DNAH14: variants seen among roughly 807,000 people sequenced by gnomAD.
DNAH14 encodes dynein axonemal heavy chain 14, also known as axonemal beta dynein heavy chain 14.
A neutral mutation model predicts 520.9 loss-of-function variants in DNAH14; 478 were observed. The observed-to-expected ratio is 0.92, with a 90% CI of 0.85 to 0.99. The LOEUF is 0.99. Ranked by LOEUF, DNAH14 falls within the 50% of genes least tolerant of loss-of-function variation. The pLI, the probability that DNAH14 is intolerant of heterozygous loss-of-function variation, is 0.00. For missense variants in DNAH14, 4,831 were observed against 5,234.5 expected (o/e 0.92, Z 2.38); for synonymous variants, 1,581 against 1,757.2 (o/e 0.90, Z 2.51).
intron 1 of DNAH14, among the ~76,000 whole-genome samples, chr1:224,947,483 T>C (rs1333932709): frequency 6.6e-6 from 1 of 152,190 alleles, no homozygotes; most frequent in African/African-American, 2.4e-5. Context: ...CTGTAAAGAA[T>C]TGATGTCTTT....
chr1:225,298,324 A>G (rs952364087), intron 55 of DNAH14, among the ~76,000 whole-genome samples: 2 of 152,132 alleles, frequency 1.3e-5, no homozygotes, highest in African/African-American at 4.8e-5. Context: ...GGGCATGGGC[A>G]TGTAGCACTC....
At chr1:225,231,851 CA>C (rs1351089908) in intron 42 of DNAH14, among the ~76,000 whole-genome samples, 1 of 151,934 alleles carries the variant, frequency 6.6e-6, no homozygotes, top group Admixed American at 6.6e-5. Flanking sequence ...TGCTCATTCT[CA>C]ATGTAACAAC....
intron 35 of DNAH14, among the ~76,000 whole-genome samples, chr1:225,167,733 T>A (rs1042003394): frequency 6.6e-6 from 1 of 152,208 alleles, no homozygotes; most frequent in Non-Finnish European, 1.5e-5. Flanking sequence ...TCTGTGAACA[T>A]AAAATTTTGT....
At chr1:225,043,236 C>A in intron 13 of DNAH14, 122 bp downstream of exon 13, 3 of 668,780 alleles carry the variant, frequency 4.5e-6, no homozygotes, top group Non-Finnish European at 6.7e-6. Context: ...TTGAGACCAG[C>A]CTGGGCAACA....
intron 77 of DNAH14, among the ~76,000 whole-genome samples, chr1:225,371,306 T>C (rs1304380017): frequency 5.3e-5 from 8 of 152,142 alleles, no homozygotes; most frequent in Non-Finnish European, 8.8e-5. Context: ...AATGACCCAG[T>C]AACTGGAAAT....
At chr1:225,296,526 G>C (rs1475451643) in intron 55 of DNAH14, among the ~76,000 whole-genome samples, 3 of 144,338 alleles carry the variant, frequency 2.1e-5, no homozygotes, top group African/African-American at 7.6e-5. Context: ...TTTTTTTGCA[G>C]TGATAGGGTT....
At position 225,265,308 on chromosome 1, in the gene DNAH14, T is replaced by C. The variant is rs759535205; in HGVS notation, c.7349T>C (p.Met2450Thr). 3 of 1,544,750 alleles carry C rather than the reference T, an allele frequency of 1.9e-6. No homozygotes were observed. The highest frequency in any genetic ancestry group is 2.6e-6 in the Non-Finnish European group (3 of 1,145,142). ...TNVTAAKTKE[M>T]ILKKLIRRTK... The stretch of plus-strand genomic sequence containing the variant: ...GTAACAGCTGCCAAAACCAAGGAGA[T>C]GATTCTTAAGAAGTTAATAAGAAGA... Residue 2450 changes from methionine (M) to threonine (T), a missense_variant, in exon 48 of 86, where the codon ATG (methionine) becomes ACG (threonine). Met to Thr is a moderately conservative substitution (Grantham distance 81). Coordinates refer to ENST00000682510, the MANE Select transcript of DNAH14 (RefSeq NM_001367479.1).
At chr1:225,143,099 G>A (rs2079601226) in intron 28 of DNAH14, among the ~76,000 whole-genome samples, 1 of 151,854 alleles carries the variant, frequency 6.6e-6, no homozygotes, top group African/African-American at 2.4e-5. Context: ...ATTCCTTTTG[G>A]TCTAGGGTCA....
At position 225,096,272 on chromosome 1, in the gene DNAH14, G is replaced by A. The variant is rs542565140; in HGVS notation, c.3574-846G>A. ...GCTGGGATTACAGGTGTGAGCCACC[G>A]TGCCTGGCCAAAATTGTATAATTTA... On this transcript the variant is annotated intron_variant, in intron 21 of 85. Coordinates refer to ENST00000682510, the MANE Select transcript of DNAH14 (RefSeq NM_001367479.1). 9.9e-5 allele frequency among the ~76,000 whole-genome samples: 15 copies of A among 152,192 alleles called. No homozygotes were observed. In the East Asian group the frequency reaches 1.7e-3, roughly 18 times the overall value.
At chr1:225,155,435 C>A (rs1189169726) in intron 34 of DNAH14, among the ~76,000 whole-genome samples, 1 of 148,540 alleles carries the variant, frequency 6.7e-6, no homozygotes, top group African/African-American at 2.5e-5. Flanking sequence ...GCATATATTG[C>A]AAAATGGCCT....
intron 60 of DNAH14, among the ~76,000 whole-genome samples, chr1:225,313,311 T>C (rs1345867046): frequency 6.6e-6 from 1 of 152,202 alleles, no homozygotes; most frequent in Non-Finnish European, 1.5e-5. Flanking sequence ...CATTTTTTAT[T>C]GTGTCTCTTT....
At chr1:225,113,422 G>A (rs947105688) in intron 23 of DNAH14, among the ~76,000 whole-genome samples, 1 of 152,190 alleles carries the variant, frequency 6.6e-6, no homozygotes. Context: ...AGCCATGGTG[G>A]GTCAGACCTG....
At position 225,380,314 on chromosome 1, in the gene DNAH14, A is replaced by T. The variant is rs1276083595; in HGVS notation, c.12872A>T (p.Asn4291Ile). 5.8e-6 allele frequency: 9 copies of T among 1,551,094 alleles called. No homozygotes were observed. The Admixed American group carries it at 1.8e-4, about 30-fold the overall frequency. Residue 4291 changes from asparagine (N) to isoleucine (I), a missense_variant, in exon 80 of 86, where the codon AAT (asparagine) becomes ATT (isoleucine). Transcript: ENST00000682510. ...SSSIWESLSK[N>I]LKDHDPLIHC... ...TCCATTTGGGAGTCTCTTTCTAAAA[A>T]TCTCAAAGGTGAGCATGGGACAGGA...
chr1:224,954,903 T>C (rs2060416144), intron 2 of DNAH14, 56 bp from the exon 3 acceptor site: 1 of 1,424,752 alleles, frequency 7.0e-7, no homozygotes, highest in Admixed American at 2.1e-5. Flanking sequence ...TAGCTCAGTA[T>C]TTTATTGGTG....
intron 27 of DNAH14, among the ~76,000 whole-genome samples, chr1:225,137,727 T>C (rs186654065): frequency 6.6e-6 from 1 of 152,122 alleles, no homozygotes; most frequent in South Asian, 2.1e-4. Context: ...CAGTGGAAGA[T>C]GTCACCCAGT....
chr1:225,234,668 T>C (rs1458651955), intron 42 of DNAH14, among the ~76,000 whole-genome samples: 1 of 152,232 alleles, frequency 6.6e-6, no homozygotes. Flanking sequence ...TGATTCTTCT[T>C]ATCCATGAGC....
intron 74 of DNAH14, among the ~76,000 whole-genome samples, chr1:225,360,366 T>C (rs187597503): frequency 2.6e-5 from 4 of 152,276 alleles, no homozygotes; most frequent in African/African-American, 7.2e-5. Flanking sequence ...AAGTTAAAAA[T>C]GTAGTATTTT....
At position 225,388,612 on chromosome 1, in the gene DNAH14, G is replaced by C. The variant is rs2095868463; in HGVS notation, c.13190+121G>C. 10 of 550,130 alleles carry C rather than the reference G, an allele frequency of 1.8e-5. No homozygotes were observed. In the Admixed American group the frequency reaches 2.9e-4, roughly 16 times the overall value. 34.1% of individuals were successfully genotyped at this position (550,130 alleles called of 1,614,324 possible). A position where few individuals can be genotyped will look rare whatever the true frequency, so the allele number is the denominator to read the frequency against. ...CACAGTAATGTGTGAATTAAGCAAG[G>C]GAGGGATTCTTATCTTCTGTTTGAG... On this transcript the variant is annotated intron_variant, in intron 82 of 85. Coordinates refer to ENST00000682510, the MANE Select transcript of DNAH14 (RefSeq NM_001367479.1).
At chr1:225,137,380 G>C (rs966324574) in intron 27 of DNAH14, among the ~76,000 whole-genome samples, 1 of 151,956 alleles carries the variant, frequency 6.6e-6, no homozygotes, top group Non-Finnish European at 1.5e-5. Flanking sequence ...TTTTAAGATA[G>C]AGTCTTGCTC....
Sources: gnomAD v4.1 joint callset for allele counts (sites outside exome capture counted in the v4.1 genomes callset) on GRCh38, gnomAD v4.1.1 for gene constraint, MANE v1.5 for transcripts, NCBI Gene and HGNC (gene_info 2026-07-23, HGNC 2026-07-21) for gene names.